Variants in EBF1 observed in about 807,000 individuals in gnomAD.
EBF1 encodes EBF transcription factor 1.
Under a neutral mutation model 68.4 loss-of-function variants are expected in EBF1, and 10 were observed. That is an observed-to-expected ratio of 0.15 (90% CI 0.09 to 0.25). The LOEUF is 0.25. Among genes scored for constraint, EBF1 ranks in the 10% least tolerant of loss-of-function variants. The probability of loss-of-function intolerance (pLI) is 1.00; values close to 1 mark genes in which losing one functional copy is unlikely to be tolerated. For synonymous variants in EBF1, 298 were observed against 299.8 expected (o/e 0.99, Z 0.06); for missense variants, 509 against 794.4 (o/e 0.64, Z 4.32).
intron 8 of EBF1, among the ~76,000 whole-genome samples, chr5:158,799,375 C>A (rs1376189679): frequency 6.6e-6 from 1 of 152,022 alleles, no homozygotes; most frequent in Non-Finnish European, 1.5e-5. Flanking sequence ...TGAGCTATGA[C>A]TGCACCACTG....
chr5:158,699,173 TCTTTGCGTTCAAA>T (rs1756231387), intron 15 of EBF1, 31 bp from the exon 16 acceptor site: 1 of 1,595,812 alleles, frequency 6.3e-7, no homozygotes, highest in South Asian at 1.2e-5. Flanking sequence ...GTCAATGGTT[TCTTTGCGTTCAAA>T]CTTCTCACTG....
chr5:158,764,676 T>C (rs1772248673), intron 10 of EBF1, among the ~76,000 whole-genome samples: 1 of 152,110 alleles, frequency 6.6e-6, no homozygotes, highest in Non-Finnish European at 1.5e-5. Flanking sequence ...GTACTCAAAG[T>C]GTCAATGCTG....
chr5:159,097,253 C>A (rs948779158), intron 1 of EBF1, 123 bp from the exon 2 acceptor site: 58 of 1,118,392 alleles, frequency 5.2e-5, no homozygotes, highest in Admixed American at 1.3e-4. Context: ...ATCCAGTGGG[C>A]GCTCTTCACG....
intron 6 of EBF1, among the ~76,000 whole-genome samples, chr5:158,920,351 T>C (rs1413012381): frequency 1.3e-5 from 2 of 152,208 alleles, no homozygotes; most frequent in African/African-American, 4.8e-5. Context: ...CTGGACTTCC[T>C]ATCATATTGT....
At chr5:158,735,695 G>C (rs998559836) in intron 10 of EBF1, among the ~76,000 whole-genome samples, 3 of 152,130 alleles carry the variant, frequency 2.0e-5, no homozygotes, top group African/African-American at 7.2e-5. Context: ...TGAAAAAAAA[G>C]TTAATGAAAT....
intron 6 of EBF1, among the ~76,000 whole-genome samples, chr5:159,047,547 G>A (rs1342487708): frequency 6.6e-6 from 1 of 152,124 alleles, no homozygotes; most frequent in Non-Finnish European, 1.5e-5. Flanking sequence ...CAGCAAGGAT[G>A]ACTCCTCGGT....
rs559163456 is a variant in EBF1, at chr5:158,939,272, G to C, written c.555-99162C>G. On this transcript the variant is annotated intron_variant, in intron 6 of 15. Transcript: ENST00000313708. Reference sequence around the variant, plus strand: ...GGACTTATAGCCTAGACAGAGAAAAGATGCACATAGAAATAACCTGTGCTC... The same window carrying C: ...GGACTTATAGCCTAGACAGAGAAAACATGCACATAGAAATAACCTGTGCTC... 1.4e-4 allele frequency among the ~76,000 whole-genome samples: 21 copies of C among 152,320 alleles called. No individual in the cohort carries two copies. The South Asian group carries it at 1.5e-3, about 11-fold the overall frequency.
At position 159,084,641 on chromosome 5, in the gene EBF1, C is replaced by T. The variant is rs368549347; in HGVS notation, c.485+25G>A. On this transcript the variant is annotated intron_variant, in intron 5 of 15. Transcript: ENST00000313708. ...AATTCATCTTCTCTTTGCTAATTAACGGGAGAGACCAAGATATTTCTTACC... is the reference window on the plus strand; with the variant it reads ...AATTCATCTTCTCTTTGCTAATTAATGGGAGAGACCAAGATATTTCTTACC... 1.8e-4 allele frequency: 278 copies of T among 1,514,152 alleles called. 1 individual carries two copies. The highest frequency in any genetic ancestry group is 3.5e-4 in the Middle Eastern group (2 of 5,692). 93.8% of individuals were successfully genotyped at this position (1,514,152 alleles called of 1,614,324 possible). A position where few individuals can be genotyped will look rare whatever the true frequency, so the allele number is the denominator to read the frequency against.
At chr5:159,084,812 T>C in intron 4 of EBF1, 73 bp from the exon 5 acceptor site, 1 of 1,368,836 alleles carries the variant, frequency 7.3e-7, no homozygotes, top group Non-Finnish European at 9.8e-7. Context: ...CACAATTGAG[T>C]TCTTAACCAC....
intron 6 of EBF1, among the ~76,000 whole-genome samples, chr5:158,937,845 C>T (rs1812389187): frequency 6.6e-6 from 1 of 152,208 alleles, no homozygotes; most frequent in Non-Finnish European, 1.5e-5. Flanking sequence ...ATCAGGCACC[C>T]ACTGGCGAGA....
chr5:158,945,084 C>T (rs1203026231), intron 6 of EBF1, among the ~76,000 whole-genome samples: 1 of 152,178 alleles, frequency 6.6e-6, no homozygotes, highest in African/African-American at 2.4e-5. Context: ...AATTAGATCC[C>T]ATTTGTCAAT....
At chr5:158,968,786 C>A (rs1754703479) in intron 6 of EBF1, among the ~76,000 whole-genome samples, 1 of 152,108 alleles carries the variant, frequency 6.6e-6, no homozygotes, top group African/African-American at 2.4e-5. Flanking sequence ...ATTATCAACA[C>A]TAATAGCTAT....
chr5:158,760,150 C>G (rs1771088542), intron 10 of EBF1, among the ~76,000 whole-genome samples: 1 of 152,136 alleles, frequency 6.6e-6, no homozygotes, highest in South Asian at 2.1e-4. Flanking sequence ...ATCAGAAATT[C>G]ATGACTTATG....
chr5:159,027,343 C>T (rs1037111710), intron 6 of EBF1, among the ~76,000 whole-genome samples: 4 of 152,154 alleles, frequency 2.6e-5, no homozygotes, highest in Non-Finnish European at 5.9e-5. Flanking sequence ...ACCCTTACTC[C>T]TCCAAGTTAC....
intron 10 of EBF1, among the ~76,000 whole-genome samples, chr5:158,734,068 T>G (rs1045862241): frequency 6.6e-6 from 1 of 152,224 alleles, no homozygotes. Flanking sequence ...AAATATTTAC[T>G]GATATATTGC....
chr5:158,719,158 A>G (rs929963977), intron 11 of EBF1, among the ~76,000 whole-genome samples: 1 of 152,156 alleles, frequency 6.6e-6, no homozygotes, highest in Non-Finnish European at 1.5e-5. Flanking sequence ...CAATATATAA[A>G]TTCCCAAAGG....
Position 158,810,024 on chromosome 5 carries a change from A to G in EBF1, c.778+13152T>C, listed in dbSNP as rs1002010627. ...CACAGGCCTTTAGCTAACCAAATCAAGGAGAGTTTCTAGGATTCTGCCAAA... is the reference window on the plus strand; with the variant it reads ...CACAGGCCTTTAGCTAACCAAATCAGGGAGAGTTTCTAGGATTCTGCCAAA... On this transcript the variant is annotated intron_variant, in intron 8 of 15. Coordinates refer to ENST00000313708, the MANE Select transcript of EBF1 (RefSeq NM_024007.5). Among the ~76,000 whole-genome samples, 4 of 152,212 alleles carry G rather than the reference A, an allele frequency of 2.6e-5. No homozygotes were observed. The South Asian group carries it at 8.3e-4, about 32-fold the overall frequency.
chr5:158,872,052 C>T (rs2128062001), intron 6 of EBF1, among the ~76,000 whole-genome samples: 1 of 152,272 alleles, frequency 6.6e-6, no homozygotes, highest in East Asian at 1.9e-4. Flanking sequence ...AAACATACTT[C>T]ACAACCTAAT....
intron 6 of EBF1, among the ~76,000 whole-genome samples, chr5:158,897,631 C>T (rs1339391312): frequency 1.3e-5 from 2 of 151,952 alleles, no homozygotes; most frequent in Non-Finnish European, 2.9e-5. Context: ...AGTTAACATG[C>T]ATATGTGACT....
Sources: gnomAD v4.1 joint callset for allele counts (sites outside exome capture counted in the v4.1 genomes callset) on GRCh38, gnomAD v4.1.1 for gene constraint, MANE v1.5 for transcripts, NCBI Gene and HGNC (gene_info 2026-07-23, HGNC 2026-07-21) for gene names.